Variants in MED12L observed in about 807,000 individuals in gnomAD.
The protein encoded by MED12L is mediator of RNA polymerase II transcription subunit 12-like protein.
MED12L carries 60 observed loss-of-function variants against 281.3 expected under a neutral mutation model. That is an observed-to-expected ratio of 0.21 (90% CI 0.17 to 0.26). The LOEUF (loss-of-function observed/expected upper bound fraction) is 0.26. Ranked by LOEUF, MED12L falls within the 10% of genes least tolerant of loss-of-function variation. The probability of loss-of-function intolerance (pLI) is 1.00; values close to 1 mark genes in which losing one functional copy is unlikely to be tolerated. For synonymous variants in MED12L, 974 were observed against 987.2 expected (o/e 0.99, Z 0.25); for missense variants, 2,146 against 2,680.9 (o/e 0.80, Z 4.41).
intron 5 of MED12L, among the ~76,000 whole-genome samples, chr3:151,147,730 A>C (rs149506053): frequency 1.3e-5 from 2 of 152,208 alleles, no homozygotes; most frequent in Non-Finnish European, 2.9e-5. Context: ...CATTGTATGC[A>C]TATGCCACAT....
At chr3:151,140,534 T>C (rs1024699413) in intron 5 of MED12L, among the ~76,000 whole-genome samples, 6 of 152,240 alleles carry the variant, frequency 3.9e-5, no homozygotes, top group Non-Finnish European at 8.8e-5. Context: ...TGGAAACATA[T>C]TTCAGCTTTT....
chr3:151,245,489 C>T (rs1473247394), intron 16 of MED12L, among the ~76,000 whole-genome samples: 12 of 141,988 alleles, frequency 8.5e-5, no homozygotes. Flanking sequence ...AAATGTAATC[C>T]AGCATATAAA....
intron 16 of MED12L, among the ~76,000 whole-genome samples, chr3:151,299,486 CT>C (rs903199341): frequency 7.2e-6 from 1 of 139,020 alleles, no homozygotes; most frequent in East Asian, 2.3e-4. Flanking sequence ...TCCTTTCTTC[CT>C]TTTTTTTCTG....
At chr3:151,417,382 A>G (rs576379714) in intron 43 of MED12L, among the ~76,000 whole-genome samples, 3 of 152,282 alleles carry the variant, frequency 2.0e-5, no homozygotes, top group African/African-American at 7.2e-5. Flanking sequence ...AACTGCGTCC[A>G]AATCAGATTG....
chr3:151,123,125 G>C (rs376032187), intron 4 of MED12L, 151 bp downstream of exon 4: 17 of 611,552 alleles, frequency 2.8e-5, no homozygotes, highest in African/African-American at 2.4e-4. Context: ...ACTCCATGCT[G>C]TTTTCCCCTT....
At chr3:151,213,188 G>T in intron 16 of MED12L, 1 of 772,942 alleles carries the variant, frequency 1.3e-6, no homozygotes, top group Non-Finnish European at 2.1e-6. Context: ...TAAATTGGAT[G>T]GCAGTGCTAG....
At chr3:151,384,324 T>C (rs1712931736) in intron 35 of MED12L, 106 bp downstream of exon 35, 1 of 1,147,800 alleles carries the variant, frequency 8.7e-7, no homozygotes, top group African/African-American at 1.6e-5. Context: ...GTATTCAACT[T>C]AATTTAATGT....
chr3:151,108,108 A>T (rs1018296793), intron 2 of MED12L, among the ~76,000 whole-genome samples: 1 of 152,120 alleles, frequency 6.6e-6, no homozygotes, highest in Non-Finnish European at 1.5e-5. Flanking sequence ...TTTGGATAGG[A>T]GAGTGCAGAA....
At chr3:151,384,962 G>T in intron 35 of MED12L, 68 bp from the exon 36 acceptor site, 1 of 854,340 alleles carries the variant, frequency 1.2e-6, no homozygotes, top group East Asian at 2.5e-5. Context: ...CTTCCTTCTG[G>T]TTAACTTTTG....
chr3:151,413,099 T>C, intron 41 of MED12L, 40 bp from the exon 42 acceptor site: 1 of 1,585,734 alleles, frequency 6.3e-7, no homozygotes, highest in Non-Finnish European at 8.6e-7. Context: ...AGTTTGACAT[T>C]ATGCTTGGGC....
chr3:151,214,883 A>G (rs1727890560), intron 16 of MED12L, among the ~76,000 whole-genome samples: 1 of 152,212 alleles, frequency 6.6e-6, no homozygotes, highest in Admixed American at 6.5e-5. Context: ...GTATTTTTTT[A>G]AAACCTATGT....
In MED12L at chr3:151,185,452, T is replaced by A. The variant is rs144094850; in HGVS notation, c.1617T>A (p.Ile539=). The part of the protein sequence containing the change: ...AKLLEKRQAE[I]EAERCGESEV... ...TCCTGGAGAAGAGGCAAGCAGAAAT[T>A]GAGGCAGAGGTAGGTTCCATTTTCT... Residue 539 remains isoleucine, a synonymous_variant, in exon 12 of 45, where the codon ATT becomes ATA. Coordinates refer to ENST00000687756, the MANE Select transcript of MED12L (RefSeq NM_001393769.1). The A allele has an allele frequency of 1.2e-5, 20 of 1,613,874 alleles. No individual in the cohort carries two copies. The highest frequency in any genetic ancestry group is 2.5e-6 in the Non-Finnish European group (3 of 1,179,932).
intron 12 of MED12L, chr3:151,187,995 A>G (rs1723490532): frequency 1.3e-5 from 2 of 158,582 alleles, no homozygotes. Flanking sequence ...AATACTGTGC[A>G]GAGTTTATAG....
chr3:151,137,018 T>G (rs981240343), intron 5 of MED12L, among the ~76,000 whole-genome samples: 4 of 151,856 alleles, frequency 2.6e-5, no homozygotes, highest in African/African-American at 9.7e-5. Flanking sequence ...AAAAATTAAC[T>G]GGGCATGGCG....
Position 151,198,325 on chromosome 3 carries a change from A to T in MED12L, c.2250+4659A>T, listed in dbSNP as rs565049585. 4.3e-6 allele frequency: 4 copies of T among 934,684 alleles called. No homozygotes were observed. In the African/African-American group the frequency reaches 6.9e-5, roughly 16 times the overall value. The allele number at this position is 934,684 out of a possible 1,614,324, so 57.9% of individuals were successfully genotyped here. A position where few individuals can be genotyped will look rare whatever the true frequency, so the allele number is the denominator to read the frequency against. ...ATTTGCTAGCTAACTGTATTTTTTC[A>T]TACTGAGTTTTTTTTTGTTTTTTTT... On this transcript the variant is annotated intron_variant, in intron 16 of 44. Transcript: ENST00000687756.
At chr3:151,351,026 A>G (rs1431777523) in intron 17 of MED12L, among the ~76,000 whole-genome samples, 1 of 152,228 alleles carries the variant, frequency 6.6e-6, no homozygotes, top group Non-Finnish European at 1.5e-5. Context: ...AAGGAAAAAG[A>G]AAGTTTGTGT....
intron 16 of MED12L, among the ~76,000 whole-genome samples, chr3:151,245,989 G>A (rs1336872007): frequency 6.6e-6 from 1 of 150,734 alleles, no homozygotes; most frequent in Non-Finnish European, 1.5e-5. Flanking sequence ...GACAAACAGA[G>A]AGCCAAATCA....
At chr3:151,247,148 C>T (rs1735730913) in intron 16 of MED12L, among the ~76,000 whole-genome samples, 1 of 152,090 alleles carries the variant, frequency 6.6e-6, no homozygotes, top group Non-Finnish European at 1.5e-5. Flanking sequence ...AATAGGAACA[C>T]TTTTACACTG....
At chr3:151,308,129 T>G (rs1045646082) in intron 16 of MED12L, among the ~76,000 whole-genome samples, 1 of 152,198 alleles carries the variant, frequency 6.6e-6, no homozygotes, top group Non-Finnish European at 1.5e-5. Flanking sequence ...TCATGGCAAG[T>G]ATACTTTGCT....
Sources: allele counts gnomAD v4.1 joint callset (sites outside exome capture counted in the v4.1 genomes callset), GRCh38; gene constraint gnomAD v4.1.1; transcripts MANE v1.5; gene names NCBI Gene and HGNC (gene_info 2026-07-23, HGNC 2026-07-21).